The following FAM120A variants were observed in gnomAD, a reference collection of about 807,000 sequenced individuals.
The protein encoded by FAM120A is family with sequence similarity 120 member A, also known as constitutive coactivator of PPAR-gamma-like protein 1.
In FAM120A, 15 loss-of-function variants were observed where a neutral mutation model predicts 109.7. That is an observed-to-expected ratio of 0.14 (90% confidence interval 0.09 to 0.21). The LOEUF is 0.21. FAM120A is among the 10% of genes least tolerant of loss of function. The pLI is 1.00. For missense variants in FAM120A, 899 were observed against 1,439.3 expected, an observed-to-expected ratio of 0.62 and a Z score of 6.07; for synonymous variants, 493 against 572.8, an observed-to-expected ratio of 0.86 and a Z score of 1.99.
At chr9:93,477,753 T>G (rs1279529855) in intron 3 of FAM120A, among the ~76,000 whole-genome samples, 1 of 152,262 alleles carries the variant, frequency 6.6e-6, no homozygotes, top group Non-Finnish European at 1.5e-5. Context: ...TATGTCTAAG[T>G]TAAACTAGCC....
At chr9:93,519,937 A>G (rs1860771881) in intron 7 of FAM120A, among the ~76,000 whole-genome samples, 2 of 152,036 alleles carry the variant, frequency 1.3e-5, no homozygotes, top group Non-Finnish European at 2.9e-5. Context: ...GTGCAGTGGG[A>G]CCATCATAAC....
At chr9:93,518,865 C>G (rs1860723065) in intron 7 of FAM120A, among the ~76,000 whole-genome samples, 1 of 152,192 alleles carries the variant, frequency 6.6e-6, no homozygotes, top group African/African-American at 2.4e-5. Flanking sequence ...GGGCCGCACG[C>G]AGCACAGGAT....
At position 93,562,270 on chromosome 9, in the gene FAM120A, A is replaced by G; in HGVS notation, c.3011A>G (p.Tyr1004Cys). Residue 1004 changes from tyrosine (Y) to cysteine (C), a missense_variant, in exon 17 of 18, where the codon TAT (tyrosine) becomes TGT (cysteine). Transcript: ENST00000277165. ...ACATTTGGAAGAGGTGGAAGGTACT[A>G]TGGCAGAGGTTACAAAAACCAGGCA... ...IRTFGRGGRY[Y>C]GRGYKNQAAI... is the part of the protein sequence containing the mutation. The G allele has an allele frequency of 3.1e-6, 5 of 1,614,198 alleles. No individual in the cohort carries two copies. Among genetic ancestry groups the G allele is most frequent in the Non-Finnish European group, 4.2e-6 (5 of 1,180,008 alleles).
intron 7 of FAM120A, chr9:93,523,431 C>T (rs1259744316): frequency 1.5e-6 from 1 of 669,852 alleles, no homozygotes; most frequent in Non-Finnish European, 2.2e-6. Context: ...GATTGTTATG[C>T]TCTTGTTCCA....
At chr9:93,550,453 A>G in intron 11 of FAM120A, 124 bp from the exon 12 acceptor site, 1 of 668,186 alleles carries the variant, frequency 1.5e-6, no homozygotes, top group Admixed American at 2.3e-5. Flanking sequence ...AAGCTGAATA[A>G]GAAATCACAT....
At chr9:93,560,764 G>A (rs62574552) in intron 15 of FAM120A, among the ~76,000 whole-genome samples, 1,957 of 152,246 alleles carry the variant, frequency 0.013, 18 homozygotes, top group African/African-American at 0.024. Flanking sequence ...AGAAGTATTC[G>A]CCTAAAGAGA....
At chr9:93,543,680 AT>A (rs1861786525) in intron 11 of FAM120A, among the ~76,000 whole-genome samples, 1 of 152,230 alleles carries the variant, frequency 6.6e-6, no homozygotes, top group Admixed American at 6.5e-5. Context: ...CAGTATGTTT[AT>A]AGGTATATTT....
Position 93,497,454 on chromosome 9 carries a change from T to C in FAM120A, c.805-17T>C. ...TTGCTCACCATCCACTGTTGACACT[T>C]ACGTTTGTTTTCTCAGGTCCGGGCC... On this transcript the variant is annotated splice_polypyrimidine_tract_variant and intron_variant, in intron 3 of 17. Coordinates refer to ENST00000277165, the MANE Select transcript of FAM120A (RefSeq NM_014612.5). 6.2e-7 allele frequency: 1 copy of C among 1,611,674 alleles called. No individual in the cohort carries two copies. The highest frequency in any genetic ancestry group is 8.5e-7 in the Non-Finnish European group (1 of 1,179,288).
intron 17 of FAM120A, among the ~76,000 whole-genome samples, chr9:93,562,963 C>T (rs111396746): frequency 3.3e-5 from 5 of 152,240 alleles, no homozygotes; most frequent in African/African-American, 1.2e-4. Context: ...CCATGCCCAG[C>T]GGTCCTGCTA....
At chr9:93,523,811 G>A (rs1409762361) in intron 7 of FAM120A, among the ~76,000 whole-genome samples, 2 of 152,228 alleles carry the variant, frequency 1.3e-5, no homozygotes, top group Non-Finnish European at 2.9e-5. Flanking sequence ...GACATTTTAA[G>A]CTCACCCATT....
In FAM120A at chr9:93,502,565, TACACACACAC is replaced by T. The variant is rs6151079; in HGVS notation, c.1030+3704_1030+3713del. ...AGTGTAGAGTTCTTAGGAGGACACATACACACACACACACACACACACACACACACACACG... is the reference window on the plus strand; with the variant it reads ...AGTGTAGAGTTCTTAGGAGGACACATACACACACACACACACACACACACG... On this transcript the variant is annotated intron_variant, in intron 5 of 17. Coordinates refer to ENST00000277165, the MANE Select transcript of FAM120A (RefSeq NM_014612.5). 2.7e-4 allele frequency among the ~76,000 whole-genome samples: 39 copies of T among 146,800 alleles called. No homozygotes were observed. The East Asian group carries it at 5.4e-3, about 20-fold the overall frequency.
At chr9:93,501,154 T>C (rs543779644) in intron 5 of FAM120A, among the ~76,000 whole-genome samples, 2 of 152,284 alleles carry the variant, frequency 1.3e-5, no homozygotes, top group South Asian at 4.2e-4. Context: ...TTCACTGACA[T>C]TGTGCTCCTG....
intron 8 of FAM120A, 131 bp downstream of exon 8, chr9:93,527,373 T>A (rs1861130046): frequency 1.5e-6 from 1 of 688,498 alleles, no homozygotes; most frequent in Admixed American, 2.7e-5. Context: ...ACAAAGGGGA[T>A]AAGCGGGAAA....
At chr9:93,472,260 C>CA (rs918783347) in intron 2 of FAM120A, among the ~76,000 whole-genome samples, 115 of 135,758 alleles carry the variant, frequency 8.5e-4, no homozygotes, top group East Asian at 3.6e-3. Flanking sequence ...ACTTTGTCTC[C>CA]AAAAAAAAAA....
intron 1 of FAM120A, chr9:93,453,114 A>G (rs2131173042): frequency 9.8e-7 from 1 of 1,020,502 alleles, no homozygotes; most frequent in South Asian, 3.7e-5. Context: ...TCTTTAAGGC[A>G]GTTCGGTTTT....
At chr9:93,522,019 G>T (rs1370636662) in intron 7 of FAM120A, among the ~76,000 whole-genome samples, 2 of 152,190 alleles carry the variant, frequency 1.3e-5, no homozygotes, top group Non-Finnish European at 2.9e-5. Flanking sequence ...GGTGGAGGTT[G>T]CAATGAGCCG....
chr9:93,528,583 A>G (rs1458124306), intron 8 of FAM120A, among the ~76,000 whole-genome samples: 1 of 152,166 alleles, frequency 6.6e-6, no homozygotes, highest in African/African-American at 2.4e-5. Flanking sequence ...TTTCCTGTGT[A>G]TGTCCATACA....
At position 93,532,999 on chromosome 9, in the gene FAM120A, T is replaced by C. The variant is rs1346449895; in HGVS notation, c.1909+670T>C. On this transcript the variant is annotated intron_variant, in intron 10 of 17. Transcript: ENST00000277165. This position sits in a 1 kb window ranked among gnomAD's most constrained non-coding sequence, Gnocchi z 4.3. ...ATCTTCTAGTGGGCCTGTGTAATACTTGGAGAAAATGATGCCTTTCTGTTC... is the reference window on the plus strand; with the variant it reads ...ATCTTCTAGTGGGCCTGTGTAATACCTGGAGAAAATGATGCCTTTCTGTTC... Among the ~76,000 whole-genome samples the C allele has an allele frequency of 6.6e-6, 1 of 152,214 alleles. No homozygotes were observed. Among genetic ancestry groups the C allele is most frequent in the East Asian group, 1.9e-4 (1 of 5,194 alleles).
At position 93,550,669 on chromosome 9, in the gene FAM120A, C is replaced by CT. The variant is rs1862066258; in HGVS notation, c.2253dup (p.Asp752Ter). On this transcript the variant is annotated frameshift_variant, in exon 12 of 18. Coordinates refer to ENST00000277165, the MANE Select transcript of FAM120A (RefSeq NM_014612.5). LOFTEE classifies it high-confidence loss of function. The stretch of plus-strand genomic sequence containing the variant: ...GCGCTGTCCCCCAAACTCTACGAGC[C>CT]TGATCAGCTCCAGGAGCTCAAGGTA... 1 of 1,613,760 alleles carries CT rather than the reference C, an allele frequency of 6.2e-7. No homozygotes were observed. The highest frequency in any genetic ancestry group is 1.7e-5 in the Admixed American group (1 of 60,014).
Sources: allele counts gnomAD v4.1 joint callset (sites outside exome capture counted in the v4.1 genomes callset), GRCh38; gene constraint gnomAD v4.1.1; non-coding constraint Gnocchi (gnomAD v3.1); transcripts MANE v1.5; gene names NCBI Gene and HGNC (gene_info 2026-07-23, HGNC 2026-07-21).